CALCR: variants seen among roughly 807,000 people sequenced by gnomAD.
CALCR encodes calcitonin receptor.
CALCR carries 47 observed loss-of-function variants against 59.5 expected under a neutral mutation model. The ratio of observed to expected loss-of-function variants is 0.79; its 90% CI spans 0.63 to 1.01. The LOEUF (loss-of-function observed/expected upper bound fraction) is 1.01. Among genes scored for constraint, CALCR ranks in the 50% least tolerant of loss-of-function variants. The pLI is 0.00. For synonymous variants in CALCR, 213 were observed against 211.3 expected (o/e 1.01, Z -0.07); for missense variants, 566 against 597.1 (o/e 0.95, Z 0.54).
At chr7:93,487,831 T>G (rs918264155) in intron 2 of CALCR, among the ~76,000 whole-genome samples, 4 of 151,338 alleles carry the variant, frequency 2.6e-5, no homozygotes, top group African/African-American at 9.7e-5. Flanking sequence ...CCCATAGAAT[T>G]TACCTATCCT....
intron 7 of CALCR, among the ~76,000 whole-genome samples, chr7:93,467,303 C>A (rs1800460137): frequency 6.6e-6 from 1 of 151,510 alleles, no homozygotes; most frequent in South Asian, 2.1e-4. Context: ...CCTGTTAAAC[C>A]ATTTATGGAA....
intron 2 of CALCR, among the ~76,000 whole-genome samples, chr7:93,487,668 C>T (rs1800975517): frequency 6.6e-6 from 1 of 151,368 alleles, no homozygotes; most frequent in Admixed American, 6.6e-5. Context: ...TAATTTTACA[C>T]AAGAAAACTT....
intron 2 of CALCR, among the ~76,000 whole-genome samples, chr7:93,511,823 A>G (rs1801553090): frequency 6.6e-6 from 1 of 152,196 alleles, no homozygotes; most frequent in Non-Finnish European, 1.5e-5. Flanking sequence ...AATTCTAGCA[A>G]TGAAAAAGTC....
Position 93,484,997 on chromosome 7 carries a change from T to C in CALCR, c.51+1934A>G, listed in dbSNP as rs1332851258. Among the ~76,000 whole-genome samples the C allele has an allele frequency of 2.6e-5, 4 of 151,872 alleles. No homozygotes were observed. The East Asian group carries it at 7.8e-4, about 30-fold the overall frequency. Reference sequence around the variant, plus strand: ...TGGAAATCGAGTTGATAGAGTTCAATAGTTAGTGTATTTTCACAACAATCT... The same window carrying C: ...TGGAAATCGAGTTGATAGAGTTCAACAGTTAGTGTATTTTCACAACAATCT... On this transcript the variant is annotated intron_variant, in intron 3 of 13. Coordinates refer to ENST00000426151, the MANE Select transcript of CALCR (RefSeq NM_001742.4).
intron 2 of CALCR, among the ~76,000 whole-genome samples, chr7:93,507,655 C>T (rs1191481856): frequency 6.6e-6 from 1 of 151,186 alleles, no homozygotes; most frequent in Non-Finnish European, 1.5e-5. Context: ...TGCCTGTAAT[C>T]CCAACACTTT....
At chr7:93,569,504 T>A (rs1461360546) in intron 2 of CALCR, among the ~76,000 whole-genome samples, 1 of 152,206 alleles carries the variant, frequency 6.6e-6, no homozygotes. Context: ...CTGAATCATA[T>A]GCCCTTTAGG....
At chr7:93,519,513 T>A (rs1204309134) in intron 2 of CALCR, among the ~76,000 whole-genome samples, 1 of 152,090 alleles carries the variant, frequency 6.6e-6, no homozygotes, top group Non-Finnish European at 1.5e-5. Context: ...GATAAATACA[T>A]ATAAAATATT....
At chr7:93,482,905 C>G in intron 3 of CALCR, 1 of 528,134 alleles carries the variant, frequency 1.9e-6, no homozygotes. Context: ...GCATCAGTTC[C>G]TGGTCTGGTT....
intron 2 of CALCR, among the ~76,000 whole-genome samples, chr7:93,563,864 C>T (rs1049233393): frequency 2.0e-5 from 3 of 152,160 alleles, no homozygotes; most frequent in African/African-American, 7.2e-5. Context: ...AGGATACTTA[C>T]CTCTCTGTTC....
chr7:93,544,025 G>C (rs1193778845), intron 2 of CALCR, among the ~76,000 whole-genome samples: 2 of 151,700 alleles, frequency 1.3e-5, no homozygotes, highest in African/African-American at 2.4e-5. Flanking sequence ...TAAAAAAGCA[G>C]AATAGAAATT....
At chr7:93,508,494 T>C (rs1290558410) in intron 2 of CALCR, among the ~76,000 whole-genome samples, 1 of 152,222 alleles carries the variant, frequency 6.6e-6, no homozygotes, top group African/African-American at 2.4e-5. Flanking sequence ...ATTTAAGCCT[T>C]AATTCTAATT....
At chr7:93,470,258 T>TACACACACACAC (rs60525647) in intron 6 of CALCR, among the ~76,000 whole-genome samples, 2 of 147,720 alleles carry the variant, frequency 1.4e-5, no homozygotes, top group Non-Finnish European at 1.5e-5. Context: ...AGGAATCTTA[T>TACACACACACAC]ACACACACAC....
chr7:93,463,536 C>T (rs1800382740), intron 7 of CALCR, among the ~76,000 whole-genome samples: 1 of 151,792 alleles, frequency 6.6e-6, no homozygotes, highest in African/African-American at 2.4e-5. Context: ...AAAATTCATT[C>T]AATAATCCAA....
rs537651812 is a variant in CALCR, at chr7:93,537,745, C to CAT, written c.-27+36542_-27+36543dup. ...ACACACACACATACATACATACATA[C>CAT]ATATATATATAAACAATCTGGATGA... On this transcript the variant is annotated intron_variant, in intron 2 of 13. Transcript: ENST00000426151. 9.9e-3 allele frequency among the ~76,000 whole-genome samples: 1,504 copies of CAT among 151,390 alleles called. 9 individuals are homozygous for CAT. Among genetic ancestry groups the CAT allele is most frequent in the Admixed American group, 0.013 (195 of 15,170 alleles).
At chr7:93,467,857 C>T (rs1800472768) in intron 7 of CALCR, among the ~76,000 whole-genome samples, 1 of 151,412 alleles carries the variant, frequency 6.6e-6, no homozygotes, top group Non-Finnish European at 1.5e-5. Context: ...ATGTGTCAGA[C>T]ATGAATCCAG....
At position 93,574,494 on chromosome 7, in the gene CALCR, T is replaced by C. The variant is rs907223952; in HGVS notation, c.-232A>G. On this transcript the variant is annotated 5_prime_UTR_variant, in exon 2 of 14. Coordinates refer to ENST00000426151, the MANE Select transcript of CALCR (RefSeq NM_001742.4). ...GCGGCGCAGCCCACCCAGACGCTGGTGGGCTGGCTTTCCTAGTTTGATGCG... is the reference window on the plus strand; with the variant it reads ...GCGGCGCAGCCCACCCAGACGCTGGCGGGCTGGCTTTCCTAGTTTGATGCG... The C allele has an allele frequency of 5.9e-5, 9 of 152,188 alleles. No homozygotes were observed. The highest frequency in any genetic ancestry group is 2.2e-4 in the African/African-American group (9 of 41,440). 9.4% of individuals were successfully genotyped at this position (152,188 alleles called of 1,614,324 possible).
chr7:93,479,230 T>C (rs1584568761), intron 4 of CALCR, 124 bp downstream of exon 4: 5 of 937,242 alleles, frequency 5.3e-6, no homozygotes, highest in Non-Finnish European at 8.1e-6. Flanking sequence ...CATACCATAG[T>C]GTGAAAACTG....
chr7:93,519,735 G>A (rs1408249970), intron 2 of CALCR, among the ~76,000 whole-genome samples: 1 of 151,932 alleles, frequency 6.6e-6, no homozygotes, highest in Non-Finnish European at 1.5e-5. Flanking sequence ...ATTAAATCAT[G>A]GGGGCGATAC....
chr7:93,529,110 C>T (rs541059861), intron 2 of CALCR, among the ~76,000 whole-genome samples: 2 of 152,144 alleles, frequency 1.3e-5, no homozygotes, highest in African/African-American at 4.8e-5. Context: ...GTATATTTGT[C>T]TCCACCCAAA....
Sources: allele counts gnomAD v4.1 joint callset (sites outside exome capture counted in the v4.1 genomes callset), GRCh38; gene constraint gnomAD v4.1.1; transcripts MANE v1.5; gene names NCBI Gene and HGNC (gene_info 2026-07-23, HGNC 2026-07-21).